Variants in STX7 observed in about 807,000 individuals in gnomAD.
STX7 encodes syntaxin 7.
Under a neutral mutation model 39.6 loss-of-function variants are expected in STX7, and 34 were observed. The observed-to-expected ratio is 0.86, with a 90% CI of 0.65 to 1.14. The LOEUF (loss-of-function observed/expected upper bound fraction) is 1.14. Ranked by LOEUF, STX7 falls within the 50% of genes most tolerant of loss-of-function variation. STX7 has a pLI of 0.00. For missense variants in STX7, 284 were observed against 310.4 expected (o/e 0.92, Z 0.64); for synonymous variants, 119 against 99.1 (o/e 1.20, Z -1.19).
At chr6:132,473,523 T>A (rs969887021) in intron 3 of STX7, among the ~76,000 whole-genome samples, 4 of 150,716 alleles carry the variant, frequency 2.7e-5, no homozygotes, top group Admixed American at 1.3e-4. Context: ...TTGTGTTGTT[T>A]TTTTTTTTTT....
intron 9 of STX7, among the ~76,000 whole-genome samples, chr6:132,462,628 A>T (rs1774441776): frequency 7.4e-6 from 1 of 135,972 alleles, no homozygotes; most frequent in East Asian, 2.1e-4. Context: ...TGTGTTTTCA[A>T]TTATTCGTGA....
At chr6:132,488,858 T>C (rs1775206227) in intron 2 of STX7, among the ~76,000 whole-genome samples, 1 of 152,076 alleles carries the variant, frequency 6.6e-6, no homozygotes, top group South Asian at 2.1e-4. Context: ...CAATCTTTCC[T>C]CGTCTATCAA....
intron 3 of STX7, 48 bp downstream of exon 3, chr6:132,475,545 G>A (rs768775861): frequency 7.7e-7 from 1 of 1,300,124 alleles, no homozygotes; most frequent in Non-Finnish European, 1.1e-6. Flanking sequence ...CAGAATAATA[G>A]CAATAGAGTT....
At chr6:132,477,270 A>T (rs1454101649) in intron 2 of STX7, among the ~76,000 whole-genome samples, 1 of 152,020 alleles carries the variant, frequency 6.6e-6, no homozygotes, top group Non-Finnish European at 1.5e-5. Flanking sequence ...TTCCCTCTCA[A>T]CCTCAACAGA....
At chr6:132,466,793 C>T (rs893793440) in intron 8 of STX7, among the ~76,000 whole-genome samples, 1 of 152,156 alleles carries the variant, frequency 6.6e-6, no homozygotes, top group Non-Finnish European at 1.5e-5. Flanking sequence ...TTGATTTATA[C>T]CCATCTAAGC....
Position 132,472,378 on chromosome 6 carries a change from A to G in STX7, c.156-3T>C, listed in dbSNP as rs750321083. ...TAGTATACTGCTGCTTCTGTTGCCTAAAGTGAGAAAACACGCATTACAGCC... is the reference window on the plus strand; with the variant it reads ...TAGTATACTGCTGCTTCTGTTGCCTGAAGTGAGAAAACACGCATTACAGCC... On this transcript the variant is annotated splice_region_variant and splice_polypyrimidine_tract_variant and intron_variant, in intron 3 of 9. Coordinates refer to ENST00000367941, the MANE Select transcript of STX7 (RefSeq NM_003569.3). 2.7e-5 allele frequency: 44 copies of G among 1,606,976 alleles called. No individual in the cohort carries two copies. In the South Asian group the frequency reaches 4.6e-4, roughly 17 times the overall value.
intron 2 of STX7, among the ~76,000 whole-genome samples, chr6:132,489,494 T>C (rs984392026): frequency 7.9e-5 from 12 of 152,166 alleles, no homozygotes; most frequent in Admixed American, 7.9e-4. Flanking sequence ...CTAAAATAAT[T>C]CTGGCTTTTC....
intron 9 of STX7, among the ~76,000 whole-genome samples, chr6:132,462,621 G>GTT (rs1554246724): frequency 4.8e-4 from 67 of 140,236 alleles, no homozygotes; most frequent in African/African-American, 1.4e-3. Context: ...GTGTGTGTGT[G>GTT]TTTTCAATTA....
chr6:132,506,202 A>T (rs1775703003), intron 1 of STX7, among the ~76,000 whole-genome samples: 1 of 152,204 alleles, frequency 6.6e-6, no homozygotes, highest in African/African-American at 2.4e-5. Context: ...AGAATTTATG[A>T]CTAAGACCTC....
At chr6:132,494,007 A>T (rs1775361001) in intron 2 of STX7, among the ~76,000 whole-genome samples, 1 of 152,204 alleles carries the variant, frequency 6.6e-6, no homozygotes, top group South Asian at 2.1e-4. Flanking sequence ...AGAAATTCTT[A>T]AATAAATGTA....
At chr6:132,478,506 C>A (rs2114400550) in intron 2 of STX7, among the ~76,000 whole-genome samples, 1 of 152,118 alleles carries the variant, frequency 6.6e-6, no homozygotes, top group South Asian at 2.1e-4. Context: ...CCCTGGGGAC[C>A]CACTCTAATA....
At chr6:132,477,360 T>C (rs1774901057) in intron 2 of STX7, among the ~76,000 whole-genome samples, 1 of 152,066 alleles carries the variant, frequency 6.6e-6, no homozygotes, top group Non-Finnish European at 1.5e-5. Flanking sequence ...ATCGATAGAC[T>C]ATTGGCAGGT....
chr6:132,489,815 C>T (rs990146375), intron 2 of STX7, among the ~76,000 whole-genome samples: 11 of 152,040 alleles, frequency 7.2e-5, no homozygotes, highest in African/African-American at 2.4e-4. Flanking sequence ...GGTTCTCTTC[C>T]CGGATACTTT....
At chr6:132,503,357 C>T in intron 2 of STX7, 89 bp downstream of exon 2, 2 of 1,105,232 alleles carry the variant, frequency 1.8e-6, no homozygotes, top group South Asian at 2.6e-5. Flanking sequence ...CTCCCTCTCT[C>T]AATCAGCAGA....
intron 2 of STX7, among the ~76,000 whole-genome samples, chr6:132,480,655 ATCTTCAC>A (rs1242246070): frequency 3.9e-5 from 6 of 152,212 alleles, no homozygotes; most frequent in Admixed American, 3.3e-4. Context: ...TAATACTGCC[ATCTTCAC>A]TCATAAAAGT....
chr6:132,484,346 C>T (rs1477495890), intron 2 of STX7, among the ~76,000 whole-genome samples: 2 of 152,140 alleles, frequency 1.3e-5, no homozygotes, highest in African/African-American at 2.4e-5. Flanking sequence ...GGGTCTGCTG[C>T]CATCTAGTGG....
At chr6:132,506,222 G>A (rs1449262446) in intron 1 of STX7, among the ~76,000 whole-genome samples, 1 of 151,988 alleles carries the variant, frequency 6.6e-6, no homozygotes, top group African/African-American at 2.4e-5. Flanking sequence ...CAAAAGCACA[G>A]GCAACAAGAC....
In STX7 at chr6:132,461,780, G is replaced by A; in HGVS notation, c.694-930C>T. 1.3e-6 allele frequency: 2 copies of A among 1,481,986 alleles called. 1 individual carries two copies. Among genetic ancestry groups the A allele is most frequent in the South Asian group, 2.7e-5 (2 of 73,214 alleles). The allele number at this position is 1,481,986 out of a possible 1,614,324, so 91.8% of individuals were successfully genotyped here. On this transcript the variant is annotated intron_variant, in intron 9 of 9. Coordinates refer to ENST00000367941, the MANE Select transcript of STX7 (RefSeq NM_003569.3). ...TGAAAACCGAATGGTTAAGAATTTT[G>A]TTCCGTTCTTCATTCCTGGTTCAGT...
intron 7 of STX7, 46 bp from the exon 8 acceptor site, chr6:132,468,521 A>G (rs1370693165): frequency 6.6e-7 from 1 of 1,504,730 alleles, no homozygotes; most frequent in Admixed American, 2.1e-5. Flanking sequence ...TTCAGTCCCC[A>G]TTCCATAAAA....
Sources: allele counts gnomAD v4.1 joint callset (sites outside exome capture counted in the v4.1 genomes callset), GRCh38; gene constraint gnomAD v4.1.1; transcripts MANE v1.5; gene names NCBI Gene and HGNC (gene_info 2026-07-23, HGNC 2026-07-21).